The following CEP83 variants were observed in gnomAD, a reference collection of about 807,000 sequenced individuals.
CEP83 encodes the protein centrosomal protein 83, also known as centrosomal protein of 83 kDa.
CEP83 carries 70 observed loss-of-function variants against 101.9 expected under a neutral mutation model. That is an observed-to-expected ratio of 0.69 (90% CI 0.57 to 0.84). The LOEUF is 0.84. Ranked by LOEUF, CEP83 falls within the 40% of genes least tolerant of loss-of-function variation. The probability of loss-of-function intolerance (pLI) is 0.00; values close to 1 mark genes in which losing one functional copy is unlikely to be tolerated. For synonymous variants in CEP83, 264 were observed against 267.9 expected (o/e 0.99, Z 0.14); for missense variants, 715 against 787.2 (o/e 0.91, Z 1.10).
At chr12:94,356,229 A>G (rs952066240) in intron 11 of CEP83, among the ~76,000 whole-genome samples, 1 of 152,168 alleles carries the variant, frequency 6.6e-6, no homozygotes, top group Non-Finnish European at 1.5e-5. Flanking sequence ...TAACAATGGG[A>G]TAGGTATGGG....
chr12:94,286,222 G>T, the CEP83 span, among the ~76,000 whole-genome samples: 3 of 152,184 alleles, frequency 2.0e-5, no homozygotes, highest in African/African-American at 7.2e-5. Context: ...ACAAGCCTAG[G>T]ACATGAAGGC....
chr12:94,408,622 C>T (rs1331714649), intron 4 of CEP83, among the ~76,000 whole-genome samples: 2 of 151,990 alleles, frequency 1.3e-5, no homozygotes, highest in Non-Finnish European at 2.9e-5. Context: ...CGCTGTTGCC[C>T]AGGGTAAAGT....
At chr12:94,345,941 A>G (rs559592385) in intron 11 of CEP83, among the ~76,000 whole-genome samples, 1 of 152,342 alleles carries the variant, frequency 6.6e-6, no homozygotes, top group Non-Finnish European at 1.5e-5. Context: ...GGAGGATTAC[A>G]TGAAGGTAAA....
chr12:94,298,226 T>C, the CEP83 span, among the ~76,000 whole-genome samples: 1 of 152,224 alleles, frequency 6.6e-6, no homozygotes, highest in African/African-American at 2.4e-5. Flanking sequence ...ATGATAGAAA[T>C]ATATGCAACA....
downstream of CEP83, chr12:94,305,310 G>A (rs1176485055): frequency 8.9e-6 from 13 of 1,464,526 alleles, no homozygotes; most frequent in Non-Finnish European, 1.1e-5. Flanking sequence ...GGCTTAATCT[G>A]GCAAAGTTCT....
chr12:94,423,810 T>C, intron 2 of CEP83: 1 of 1,613,756 alleles, frequency 6.2e-7, no homozygotes, highest in Non-Finnish European at 8.5e-7. Flanking sequence ...CTTGGTTCTG[T>C]TGGCCGCTGC....
chr12:94,324,323 AAATGACCT>A (rs2058875794), intron 14 of CEP83, among the ~76,000 whole-genome samples: 1 of 152,240 alleles, frequency 6.6e-6, no homozygotes, highest in Non-Finnish European at 1.5e-5. Context: ...AGGACTATCC[AAATGACCT>A]AATTCTTCTT....
At chr12:94,280,156 T>C in the CEP83 span, 1 of 239,282 alleles carries the variant, frequency 4.2e-6, no homozygotes, top group African/African-American at 2.3e-5. Context: ...CCTCCCTCAG[T>C]GTGCAGCAGC....
intron 11 of CEP83, among the ~76,000 whole-genome samples, chr12:94,351,078 GA>G (rs372921845): frequency 4.7e-5 from 7 of 149,040 alleles, no homozygotes; most frequent in South Asian, 2.1e-4. Flanking sequence ...ACATGAAAGA[GA>G]AAAAAAAAAT....
At chr12:94,442,001 A>C (rs1420347753) in intron 1 of CEP83, among the ~76,000 whole-genome samples, 1 of 152,152 alleles carries the variant, frequency 6.6e-6, no homozygotes, top group African/African-American at 2.4e-5. Flanking sequence ...AGAGGAAAAG[A>C]AGTCATTATA....
At chr12:94,396,755 T>C (rs1181902851) in intron 6 of CEP83, among the ~76,000 whole-genome samples, 1 of 152,182 alleles carries the variant, frequency 6.6e-6, no homozygotes, top group Non-Finnish European at 1.5e-5. Flanking sequence ...CACTAAATAA[T>C]ATTGTTACTT....
At chr12:94,423,503 C>G (rs1480901668) in intron 2 of CEP83, among the ~76,000 whole-genome samples, 1 of 118,658 alleles carries the variant, frequency 8.4e-6, no homozygotes, top group Middle Eastern at 5.0e-3. Flanking sequence ...TTTTGATCTC[C>G]TTGAATGTAG....
intron 11 of CEP83, among the ~76,000 whole-genome samples, chr12:94,344,925 A>G (rs11107514): frequency 0.023 from 3,442 of 152,272 alleles, 51 homozygotes; most frequent in East Asian, 0.071. Flanking sequence ...AACTTACTAT[A>G]AAGCTACAGT....
At chr12:94,329,400 G>A (rs528733619) in intron 14 of CEP83, among the ~76,000 whole-genome samples, 2 of 152,172 alleles carry the variant, frequency 1.3e-5, no homozygotes, top group African/African-American at 4.8e-5. Flanking sequence ...CCAAGTAGCT[G>A]GGACTACAAG....
At chr12:94,380,637 A>AT (rs1246338163) in intron 6 of CEP83, among the ~76,000 whole-genome samples, 3 of 152,132 alleles carry the variant, frequency 2.0e-5, no homozygotes, top group Non-Finnish European at 4.4e-5. Context: ...AATGTGCTAT[A>AT]TTAGAGGTGT....
intron 2 of CEP83, among the ~76,000 whole-genome samples, chr12:94,427,775 C>T (rs2065316605): frequency 6.6e-6 from 1 of 152,120 alleles, no homozygotes; most frequent in Non-Finnish European, 1.5e-5. Context: ...GGACCTACAC[C>T]AGGCATTTAC....
the CEP83 span, among the ~76,000 whole-genome samples, chr12:94,267,649 C>G: frequency 1.3e-5 from 2 of 152,212 alleles, no homozygotes; most frequent in African/African-American, 4.8e-5. Context: ...CTTATGGGGC[C>G]TGGCCCAGCC....
chr12:94,433,562 T>A (rs1720483959), intron 2 of CEP83, among the ~76,000 whole-genome samples: 1 of 151,576 alleles, frequency 6.6e-6, no homozygotes, highest in African/African-American at 2.4e-5. Context: ...GTGCCTATGG[T>A]CCCAGCTACT....
At position 94,313,003 on chromosome 12, in the gene CEP83, A is replaced by G; in HGVS notation, c.1722T>C (p.His574=). Residue 574 remains histidine, a synonymous_variant, in exon 15 of 17, where the codon CAT becomes CAC. Coordinates refer to ENST00000397809, the MANE Select transcript of CEP83 (RefSeq NM_016122.3). Reference sequence around the variant, plus strand: ...CTTGTAGTCTTTTCAATTTGTTTTCATGAAGAGATTTTCTCTAAAAAGAGA... The same window carrying G: ...CTTGTAGTCTTTTCAATTTGTTTTCGTGAAGAGATTTTCTCTAAAAAGAGA... ...AIAQKKRKSL[H]ENKLKRLQEK... is the part of the protein sequence containing the mutation. 6.6e-7 allele frequency: 1 copy of G among 1,515,628 alleles called. No homozygotes were observed. The highest frequency in any genetic ancestry group is 9.1e-7 in the Non-Finnish European group (1 of 1,102,248). 93.9% of individuals were successfully genotyped at this position (1,515,628 alleles called of 1,614,324 possible). A position where few individuals can be genotyped will look rare whatever the true frequency, so the allele number is the denominator to read the frequency against.
Sources: allele counts gnomAD v4.1 joint callset (sites outside exome capture counted in the v4.1 genomes callset), GRCh38; gene constraint gnomAD v4.1.1; transcripts MANE v1.5; gene names NCBI Gene and HGNC (gene_info 2026-07-23, HGNC 2026-07-21).